CSMD1: variants seen among roughly 807,000 people sequenced by gnomAD.
CSMD1 encodes CUB and Sushi multiple domains 1, also known as CUB and sushi domain-containing protein 1.
Under a neutral mutation model 417.5 loss-of-function variants are expected in CSMD1, and 213 were observed. That is an observed-to-expected ratio of 0.51 (90% CI 0.46 to 0.57). CSMD1 has a LOEUF of 0.57. CSMD1 is among the 20% of genes least tolerant of loss of function. The pLI, the probability that CSMD1 is intolerant of heterozygous loss-of-function variation, is 0.00. For synonymous variants in CSMD1, 2,862 were observed against 1,736.8 expected (o/e 1.65, Z -16.11); for missense variants, 6,923 against 4,529.7 (o/e 1.53, Z -15.17).
chr8:4,777,903 T>C (rs1796948847), intron 1 of CSMD1, among the ~76,000 whole-genome samples: 1 of 152,154 alleles, frequency 6.6e-6, no homozygotes, highest in Non-Finnish European at 1.5e-5. Context: ...AAACTACCTA[T>C]CCCACATCAA....
intron 5 of CSMD1, among the ~76,000 whole-genome samples, chr8:3,943,859 T>G (rs1467145213): frequency 6.6e-6 from 1 of 152,082 alleles, no homozygotes; most frequent in Admixed American, 6.6e-5. Context: ...CGTTTCCTAT[T>G]TAGGGAAACG....
intron 1 of CSMD1, among the ~76,000 whole-genome samples, chr8:4,823,890 A>G (rs1048493562): frequency 4.6e-5 from 7 of 152,020 alleles, no homozygotes; most frequent in Non-Finnish European, 2.9e-5. Flanking sequence ...ACTTTGAGAG[A>G]GAAATACTCT....
At chr8:4,271,296 C>G (rs982996583) in intron 3 of CSMD1, among the ~76,000 whole-genome samples, 1 of 152,034 alleles carries the variant, frequency 6.6e-6, no homozygotes, top group Non-Finnish European at 1.5e-5. Context: ...CAGCAGGCAA[C>G]CATCAACCCA....
chr8:4,336,990 C>T (rs983813139), intron 3 of CSMD1, among the ~76,000 whole-genome samples: 7 of 152,004 alleles, frequency 4.6e-5, no homozygotes, highest in Non-Finnish European at 7.4e-5. Context: ...GTTTTCTTCC[C>T]AGAATGGCTG....
At chr8:4,359,259 A>C (rs1801614757) in intron 3 of CSMD1, among the ~76,000 whole-genome samples, 1 of 152,194 alleles carries the variant, frequency 6.6e-6, no homozygotes, top group Non-Finnish European at 1.5e-5. Flanking sequence ...TTCACTCTTC[A>C]AGAATATTTA....
At chr8:4,480,642 A>G (rs1801047649) in intron 2 of CSMD1, among the ~76,000 whole-genome samples, 1 of 152,242 alleles carries the variant, frequency 6.6e-6, no homozygotes, top group Non-Finnish European at 1.5e-5. Flanking sequence ...GCCATTCTCT[A>G]AAATAGGCTT....
chr8:4,091,813 C>T (rs1212482105), intron 3 of CSMD1, among the ~76,000 whole-genome samples: 3 of 152,096 alleles, frequency 2.0e-5, no homozygotes, highest in Non-Finnish European at 4.4e-5. Flanking sequence ...TGGAAGAGGC[C>T]TTATCCTTAA....
chr8:3,394,012 TTATATATATATA>T (rs1175905929), intron 17 of CSMD1, among the ~76,000 whole-genome samples: 6 of 31,630 alleles, frequency 1.9e-4, no homozygotes, highest in African/African-American at 2.4e-4. Context: ...AAAAAATAAA[TTATATATATATA>T]TATATATATA....
At chr8:3,577,076 G>A (rs892243383) in intron 9 of CSMD1, among the ~76,000 whole-genome samples, 1 of 152,132 alleles carries the variant, frequency 6.6e-6, no homozygotes, top group African/African-American at 2.4e-5. Context: ...CAATCCTACT[G>A]ACAAGGTGGG....
rs371573064 is a variant in CSMD1 at position 3,037,006 on chromosome 8, A to G, written c.7661-7493T>C. On this transcript the variant is annotated intron_variant, in intron 50 of 69. Coordinates refer to ENST00000635120, the MANE Select transcript of CSMD1 (RefSeq NM_033225.6). The stretch of plus-strand genomic sequence containing the variant: ...TCATCCCCTTGAGTCCCCAGAGTCC[A>G]CTGTATCATTCTTATGCATTTGCAT... Among the ~76,000 whole-genome samples the G allele has an allele frequency of 7.9e-5, 12 of 152,236 alleles. No homozygotes were observed. In the East Asian group the frequency reaches 2.1e-3, roughly 27 times the overall value.
intron 3 of CSMD1, 70 bp downstream of exon 3, chr8:4,419,883 T>G: frequency 9.4e-7 from 1 of 1,064,364 alleles, no homozygotes. Context: ...TTGTCATTAT[T>G]AATCCAGTGT....
intron 5 of CSMD1, among the ~76,000 whole-genome samples, chr8:3,756,125 G>C (rs1392461573): frequency 6.6e-6 from 1 of 152,000 alleles, no homozygotes; most frequent in Non-Finnish European, 1.5e-5. Flanking sequence ...GGGAGGCCGA[G>C]GCAGGTGGAT....
chr8:4,279,192 C>T (rs151274021), intron 3 of CSMD1, among the ~76,000 whole-genome samples: 90 of 151,870 alleles, frequency 5.9e-4, no homozygotes, highest in East Asian at 2.5e-3. Context: ...TCTCTGTAAA[C>T]GCAGTATACA....
intron 8 of CSMD1, among the ~76,000 whole-genome samples, chr8:3,608,170 T>A (rs1409293048): frequency 8.5e-5 from 9 of 106,344 alleles, no homozygotes; most frequent in Non-Finnish European, 1.5e-4. Context: ...CAAGAAGCCA[T>A]CTCAAAAAAA....
At chr8:4,542,841 G>T (rs1017295080) in intron 2 of CSMD1, among the ~76,000 whole-genome samples, 1 of 151,956 alleles carries the variant, frequency 6.6e-6, no homozygotes, top group African/African-American at 2.4e-5. Context: ...TGTAAATAAA[G>T]AAAAAAGTTT....
chr8:4,337,761 T>G (rs1440308480), intron 3 of CSMD1, among the ~76,000 whole-genome samples: 1 of 152,182 alleles, frequency 6.6e-6, no homozygotes, highest in African/African-American at 2.4e-5. Flanking sequence ...AGCCTTTACA[T>G]TGGGCTGGAG....
chr8:3,302,984 A>G (rs1804534792), intron 25 of CSMD1, among the ~76,000 whole-genome samples: 1 of 152,208 alleles, frequency 6.6e-6, no homozygotes, highest in Non-Finnish European at 1.5e-5. Context: ...GCCCCAGGTT[A>G]AAGGGGGTCT....
intron 12 of CSMD1, among the ~76,000 whole-genome samples, chr8:3,422,994 G>T (rs1232953724): frequency 1.3e-5 from 2 of 152,084 alleles, no homozygotes; most frequent in Non-Finnish European, 2.9e-5. Context: ...TACCAAATTG[G>T]CAACACCTGA....
chr8:4,886,308 A>G (rs945660079), intron 1 of CSMD1, among the ~76,000 whole-genome samples: 9 of 152,024 alleles, frequency 5.9e-5, no homozygotes, highest in Non-Finnish European at 1.0e-4. Flanking sequence ...GCATTTGAAT[A>G]TCTAGTTGTT....
Sources: allele counts gnomAD v4.1 joint callset (sites outside exome capture counted in the v4.1 genomes callset), GRCh38; gene constraint gnomAD v4.1.1; transcripts MANE v1.5; gene names NCBI Gene and HGNC (gene_info 2026-07-23, HGNC 2026-07-21).